Variants in RGPD1 observed in about 807,000 individuals in gnomAD.
RGPD1 encodes the protein RANBP2 like and GRIP domain containing 1.
A neutral mutation model predicts 40.6 loss-of-function variants in RGPD1; 7 were observed. The ratio of observed to expected loss-of-function variants is 0.17; its 90% CI spans 0.10 to 0.32. The LOEUF is 0.32. Ranked by LOEUF, RGPD1 falls within the 10% of genes least tolerant of loss-of-function variation. The probability of loss-of-function intolerance (pLI) is 1.00; values close to 1 mark genes in which losing one functional copy is unlikely to be tolerated. For synonymous variants in RGPD1, 24 were observed against 167.0 expected (o/e 0.14, Z 6.60); for missense variants, 50 against 472.5 (o/e 0.11, Z 8.29).
intron 1 of RGPD1, among the ~76,000 whole-genome samples, chr2:86,919,055 C>A (rs1194513343): frequency 9.7e-4 from 31 of 32,110 alleles, no homozygotes; most frequent in East Asian, 3.8e-3. Flanking sequence ...TTTTTCACGA[C>A]TCTTTAACCA....
chr2:86,926,995 C>G (rs1386735160), intron 1 of RGPD1, among the ~76,000 whole-genome samples: 11 of 152,172 alleles, frequency 7.2e-5, no homozygotes. Flanking sequence ...AACCTTGGTA[C>G]TGTTCCTGAT....
At position 86,936,067 on chromosome 2, in the gene RGPD1, G is replaced by A. The variant is rs1206885417; in HGVS notation, c.73-15229G>A. Among the ~76,000 whole-genome samples, 5 of 132,880 alleles carry A rather than the reference G, an allele frequency of 3.8e-5. 1 individual carries two copies. The highest frequency in any genetic ancestry group is 8.4e-5 in the Non-Finnish European group (5 of 59,474). The allele number at this position is 132,880 out of a possible 152,430, so 87.2% of individuals were successfully genotyped here. On this transcript the variant is annotated intron_variant, in intron 1 of 22. Transcript: ENST00000398193. ...TCACCCAGGCTGGAGGTGCAGTGGC[G>A]CAATCTCGGCTCACTGCAAGCTCCA...
rs1428927822 is a variant in RGPD1 at position 86,930,626 on chromosome 2, G to A, written c.72+16705G>A. On this transcript the variant is annotated intron_variant, in intron 1 of 22. Coordinates refer to the RGPD1 transcript ENST00000398193. Reference sequence around the variant, plus strand: ...AGGTGCAGCAGCCAGTCTCCCCGCAGCAGTGAACACTCTCACAGAGGTAGG... The same window carrying A: ...AGGTGCAGCAGCCAGTCTCCCCGCAACAGTGAACACTCTCACAGAGGTAGG... 19 of 1,611,554 alleles carry A rather than the reference G, an allele frequency of 1.2e-5. No individual in the cohort carries two copies. In the African/African-American group the frequency reaches 2.1e-4, roughly 18 times the overall value.
chr2:86,954,617 G>C (rs1156352573), intron 4 of RGPD1, among the ~76,000 whole-genome samples: 2 of 34,392 alleles, frequency 5.8e-5, no homozygotes, highest in Non-Finnish European at 5.9e-5. Context: ...TGCCTGCTAA[G>C]TATCCTGCAA....
At chr2:86,928,496 G>A (rs1458390153) in intron 1 of RGPD1, among the ~76,000 whole-genome samples, 12 of 152,050 alleles carry the variant, frequency 7.9e-5, no homozygotes, top group Non-Finnish European at 1.8e-4. Flanking sequence ...TAAATGAGTA[G>A]TATGGTAAAT....
chr2:86,924,642 T>C (rs1275957738), intron 1 of RGPD1, among the ~76,000 whole-genome samples: 2 of 151,064 alleles, frequency 1.3e-5, no homozygotes, highest in Non-Finnish European at 3.0e-5. Flanking sequence ...TTTTTAAATT[T>C]TTTTGGCAGA....
chr2:86,939,423 A>G (rs1679570422), upstream of RGPD1, among the ~76,000 whole-genome samples: 1 of 150,486 alleles, frequency 6.6e-6, no homozygotes. Context: ...TACTAAAAAT[A>G]CAACAATTAG....
At chr2:86,937,138 A>G, upstream of RGPD1, among the ~76,000 whole-genome samples, 2 of 117,732 alleles carry the variant, frequency 1.7e-5, no homozygotes, top group South Asian at 5.8e-4. Flanking sequence ...GAATCCCTTT[A>G]TTTTTCGTTC....
intron 1 of RGPD1, among the ~76,000 whole-genome samples, chr2:86,924,643 T>G (rs972170002): frequency 6.6e-6 from 1 of 151,112 alleles, no homozygotes; most frequent in African/African-American, 2.4e-5. Context: ...TTTTAAATTT[T>G]TTTGGCAGAG....
intron 1 of RGPD1, among the ~76,000 whole-genome samples, chr2:86,924,720 C>A (rs1350320037): frequency 6.6e-6 from 1 of 151,776 alleles, no homozygotes; most frequent in Non-Finnish European, 1.5e-5. Context: ...AGTCCTCCTG[C>A]CCCTATCTCC....
At chr2:86,942,997 G>A (rs1419668512) in intron 1 of RGPD1, among the ~76,000 whole-genome samples, 2 of 152,026 alleles carry the variant, frequency 1.3e-5, no homozygotes, top group East Asian at 3.9e-4. Context: ...GGGCACCCGG[G>A]TGCTGTATCG....
At chr2:86,954,877 A>C in intron 4 of RGPD1, among the ~76,000 whole-genome samples, 1 of 118,186 alleles carries the variant, frequency 8.5e-6, no homozygotes, top group Admixed American at 9.2e-5. Flanking sequence ...TTTTGTAGTC[A>C]TGCTATTTAC....
intron 22 of RGPD1, among the ~76,000 whole-genome samples, chr2:87,000,132 T>C (rs1449446203): frequency 1.7e-5 from 2 of 118,338 alleles, no homozygotes; most frequent in Non-Finnish European, 3.2e-5. Flanking sequence ...AATCTACTTC[T>C]AGTCACCTAA....
rs531284524 is a variant in RGPD1, at chr2:86,933,492, A to G, written c.73-17804A>G. Among the ~76,000 whole-genome samples, 28 of 145,132 alleles carry G rather than the reference A, an allele frequency of 1.9e-4. No individual in the cohort carries two copies. In the East Asian group the frequency reaches 3.7e-3, roughly 19 times the overall value. On this transcript the variant is annotated intron_variant, in intron 1 of 22. Coordinates refer to the RGPD1 transcript ENST00000398193. ...TTAAAGTTTTTATAATTGTCATCTG[A>G]AAAAGGATTTAATATTCTTAAATTC...
rs925104218 is a variant in RGPD1, at chr2:87,013,769, A to G, written c.*1222A>G. ...CAGTCCGGTGCCCACCTGGGTCCAC[A>G]TGCAGCTGGCAGGTGTTTGCTAGTG... On this transcript the variant is annotated 3_prime_UTR_variant, in exon 23 of 23. Transcript: ENST00000641458. The G allele has an allele frequency of 9.4e-5, 1 of 10,654 alleles. No individual in the cohort carries two copies. Among genetic ancestry groups the G allele is most frequent in the African/African-American group, 5.1e-4 (1 of 1,956 alleles). 0.7% of individuals were successfully genotyped at this position (10,654 alleles called of 1,614,324 possible).
chr2:86,924,650 A>G (rs1331239603), intron 1 of RGPD1, among the ~76,000 whole-genome samples: 1 of 151,166 alleles, frequency 6.6e-6, no homozygotes, highest in Admixed American at 6.6e-5. Flanking sequence ...TTTTTTTGGC[A>G]GAGACAAGGT....
chr2:86,944,866 G>T (rs1223413606), intron 1 of RGPD1, among the ~76,000 whole-genome samples: 2 of 151,808 alleles, frequency 1.3e-5, no homozygotes, highest in Non-Finnish European at 2.9e-5. Flanking sequence ...CCAGCTACAG[G>T]CATGCGCCAC....
At chr2:86,926,918 T>A (rs2104692713) in intron 1 of RGPD1, among the ~76,000 whole-genome samples, 1 of 152,022 alleles carries the variant, frequency 6.6e-6, no homozygotes, top group South Asian at 2.1e-4. Context: ...AGTTCTGGGC[T>A]TTAATCCTTG....
Position 86,930,708 on chromosome 2 carries a change from G to A in RGPD1, c.72+16787G>A, listed in dbSNP as rs559744821. On this transcript the variant is annotated intron_variant, in intron 1 of 22. Coordinates refer to the RGPD1 transcript ENST00000398193. Reference sequence around the variant, plus strand: ...AAGCTGCTGTTGCGGCGCCCGAAGTGCCCCCCAGGCCTCCTCGCTGCCGTT... The same window carrying A: ...AAGCTGCTGTTGCGGCGCCCGAAGTACCCCCCAGGCCTCCTCGCTGCCGTT... 8.9e-6 allele frequency: 14 copies of A among 1,568,796 alleles called. No individual in the cohort carries two copies. In the African/African-American group the frequency reaches 2.0e-4, roughly 22 times the overall value.
Sources: allele counts gnomAD v4.1 joint callset (sites outside exome capture counted in the v4.1 genomes callset), GRCh38; gene constraint gnomAD v4.1.1; transcripts MANE v1.5; gene names NCBI Gene and HGNC (gene_info 2026-07-23, HGNC 2026-07-21).